NR6A1: variants seen among roughly 807,000 people sequenced by gnomAD.
The protein encoded by NR6A1 is retinoic acid receptor-related testis-associated receptor.
In NR6A1, 7 loss-of-function variants were observed where a neutral mutation model predicts 59.1. That is an observed-to-expected ratio of 0.12 (90% CI 0.07 to 0.22). NR6A1 has a LOEUF of 0.22. Among genes scored for constraint, NR6A1 ranks in the 10% least tolerant of loss-of-function variants. NR6A1 has a pLI of 1.00. For missense variants in NR6A1, 468 were observed against 611.6 expected, an observed-to-expected ratio of 0.77 and a Z score of 2.48; for synonymous variants, 243 against 236.1, an observed-to-expected ratio of 1.03 and a Z score of -0.27.
intron 2 of NR6A1, among the ~76,000 whole-genome samples, chr9:124,634,205 T>C (rs780763169): frequency 1.3e-5 from 2 of 152,326 alleles, no homozygotes; most frequent in African/African-American, 2.4e-5. Flanking sequence ...AGCTGGCCTA[T>C]AGAAAATACC....
chr9:124,527,260 G>A (rs1832963325), intron 7 of NR6A1, among the ~76,000 whole-genome samples: 1 of 152,178 alleles, frequency 6.6e-6, no homozygotes, highest in Non-Finnish European at 1.5e-5. Context: ...GGATATAAAT[G>A]TGGAGAAGTA....
At chr9:124,564,894 T>C (rs1279828489) in intron 2 of NR6A1, among the ~76,000 whole-genome samples, 1 of 152,158 alleles carries the variant, frequency 6.6e-6, no homozygotes, top group Non-Finnish European at 1.5e-5. Flanking sequence ...TGGAGAACCC[T>C]ACAACATAGC....
At chr9:124,666,262 C>A (rs976505848) in intron 2 of NR6A1, among the ~76,000 whole-genome samples, 3 of 144,946 alleles carry the variant, frequency 2.1e-5, no homozygotes, top group African/African-American at 5.4e-5. Flanking sequence ...GGCGGAATTA[C>A]CTCTATGTGG....
rs144286846 is a variant in NR6A1 at position 124,522,026 on chromosome 9, T to C, written c.*679A>G. 6.6e-6 allele frequency: 1 copy of C among 152,304 alleles called. No homozygotes were observed. The highest frequency in any genetic ancestry group is 6.5e-5 in the Admixed American group (1 of 15,292). 9.4% of individuals were successfully genotyped at this position (152,304 alleles called of 1,614,324 possible). On this transcript the variant is annotated 3_prime_UTR_variant, in exon 10 of 10. Transcript: ENST00000487099. ...GAAATTCTTCTGCCCTTAGGACTTG[T>C]TGGGTGGAAGGACACCTGCCTTAAA...
chr9:124,670,996 A>T (rs1837778628), intron 2 of NR6A1, among the ~76,000 whole-genome samples: 1 of 152,234 alleles, frequency 6.6e-6, no homozygotes, highest in Non-Finnish European at 1.5e-5. Flanking sequence ...TGAGGACATT[A>T]TGCTAAATGA....
At chr9:124,599,135 G>A (rs1835372117) in intron 2 of NR6A1, 3 of 649,324 alleles carry the variant, frequency 4.6e-6, no homozygotes, top group South Asian at 1.5e-5. Context: ...TCACAGTTTC[G>A]CCCCCATTTT....
chr9:124,620,459 T>C (rs865932984), intron 2 of NR6A1, among the ~76,000 whole-genome samples: 1 of 152,230 alleles, frequency 6.6e-6, no homozygotes, highest in African/African-American at 2.4e-5. Flanking sequence ...AGATAAAATG[T>C]ATGGCATATC....
chr9:124,739,392 T>G (rs1006148918), intron 1 of NR6A1, among the ~76,000 whole-genome samples: 1 of 152,226 alleles, frequency 6.6e-6, no homozygotes, highest in South Asian at 2.1e-4. Context: ...CAAATGGCTC[T>G]AAGTCTAGGA....
intron 2 of NR6A1, among the ~76,000 whole-genome samples, chr9:124,602,285 G>A (rs1835471274): frequency 6.6e-6 from 1 of 152,168 alleles, no homozygotes; most frequent in African/African-American, 2.4e-5. Flanking sequence ...TATAAACGCA[G>A]TCAACTATTT....
At chr9:124,658,596 A>T (rs940656854) in intron 2 of NR6A1, 1 of 152,144 alleles carries the variant, frequency 6.6e-6, no homozygotes, top group East Asian at 1.9e-4. Flanking sequence ...ATCTGGAAAC[A>T]CAGAAGTTGT....
intron 1 of NR6A1, among the ~76,000 whole-genome samples, chr9:124,747,613 T>C (rs1020950638): frequency 8.5e-5 from 13 of 152,182 alleles, no homozygotes; most frequent in African/African-American, 2.7e-4. Context: ...AATTTCAACA[T>C]GTCAAACTGA....
At chr9:124,666,901 G>A (rs1381871955) in intron 2 of NR6A1, among the ~76,000 whole-genome samples, 2 of 152,088 alleles carry the variant, frequency 1.3e-5, no homozygotes, top group Admixed American at 6.5e-5. Flanking sequence ...GGGGGCGGGG[G>A]AAATAATACC....
At chr9:124,677,819 A>C (rs1340366631) in intron 2 of NR6A1, among the ~76,000 whole-genome samples, 1 of 152,096 alleles carries the variant, frequency 6.6e-6, no homozygotes, top group African/African-American at 2.4e-5. Flanking sequence ...ATAGTTTGCC[A>C]ATGTCTATTT....
chr9:124,558,048 C>T (rs1346724589), intron 2 of NR6A1, among the ~76,000 whole-genome samples: 3 of 152,166 alleles, frequency 2.0e-5, no homozygotes, highest in Non-Finnish European at 4.4e-5. Flanking sequence ...TAAGTGGAAG[C>T]TCCAAAATGG....
chr9:124,725,550 T>G (rs952722792), intron 2 of NR6A1, among the ~76,000 whole-genome samples: 6 of 152,162 alleles, frequency 3.9e-5, no homozygotes, highest in Admixed American at 6.5e-5. Flanking sequence ...TGTTCCAAAA[T>G]AAGGGAGTGT....
chr9:124,692,436 G>A (rs918970193), intron 2 of NR6A1: 2 of 527,392 alleles, frequency 3.8e-6, no homozygotes, highest in African/African-American at 1.9e-5. Flanking sequence ...GTGGATGGGA[G>A]AATGAAGAAG....
chr9:124,630,055 A>AAT (rs1460036220), intron 2 of NR6A1, among the ~76,000 whole-genome samples: 1 of 152,224 alleles, frequency 6.6e-6, no homozygotes, highest in Admixed American at 6.5e-5. Flanking sequence ...AGAAAGTAAT[A>AAT]AAACCTCAAA....
At chr9:124,657,193 C>T (rs1249960212) in intron 2 of NR6A1, among the ~76,000 whole-genome samples, 2 of 152,184 alleles carry the variant, frequency 1.3e-5, no homozygotes, top group African/African-American at 2.4e-5. Flanking sequence ...CAGCTTTTCT[C>T]GGGTTAAGAC....
intron 2 of NR6A1, among the ~76,000 whole-genome samples, chr9:124,715,852 T>C (rs1234983442): frequency 6.6e-6 from 1 of 152,140 alleles, no homozygotes; most frequent in East Asian, 1.9e-4. Flanking sequence ...AAAAGATTAA[T>C]AGAAGGGAAT....
Sources: gnomAD v4.1 joint callset for allele counts (sites outside exome capture counted in the v4.1 genomes callset) on GRCh38, gnomAD v4.1.1 for gene constraint, MANE v1.5 for transcripts, NCBI Gene and HGNC (gene_info 2026-07-23, HGNC 2026-07-21) for gene names.